TMEM38B: variants seen among roughly 807,000 people sequenced by gnomAD.
TMEM38B encodes trimeric intracellular cation channel type B.
A neutral mutation model predicts 28.7 loss-of-function variants in TMEM38B; 24 were observed. The ratio of observed to expected loss-of-function variants is 0.84; its 90% confidence interval spans 0.61 to 1.18. The LOEUF is 1.18. Ranked by LOEUF, TMEM38B falls within the 50% of genes most tolerant of loss-of-function variation. TMEM38B has a pLI of 0.00. For synonymous variants in TMEM38B, 131 were observed against 127.7 expected, an observed-to-expected ratio of 1.03 and a Z score of -0.17; for missense variants, 380 against 350.9, an observed-to-expected ratio of 1.08 and a Z score of -0.66.
At chr9:105,758,740 A>G in intron 5 of TMEM38B, 1 of 735,236 alleles carries the variant, frequency 1.4e-6, no homozygotes, top group Non-Finnish European at 2.4e-6. Context: ...AGTATTTTTA[A>G]ATGATGAAAC....
At chr9:105,734,988 G>T (rs1203145300) in intron 4 of TMEM38B, among the ~76,000 whole-genome samples, 1 of 148,702 alleles carries the variant, frequency 6.7e-6, no homozygotes, top group South Asian at 2.1e-4. Context: ...TGTTTATTTT[G>T]TAGATCCTTT....
intron 2 of TMEM38B, among the ~76,000 whole-genome samples, chr9:105,720,681 T>C (rs893908120): frequency 4.6e-5 from 7 of 152,134 alleles, no homozygotes; most frequent in African/African-American, 1.7e-4. Context: ...TAATAGCTTC[T>C]TTTAAAAGAG....
At chr9:105,771,276 A>T (rs1426780993) in intron 5 of TMEM38B, among the ~76,000 whole-genome samples, 2 of 152,130 alleles carry the variant, frequency 1.3e-5, no homozygotes, top group African/African-American at 4.8e-5. Context: ...TATTTGTCAC[A>T]AGTACATTTG....
At chr9:105,718,897 T>TTTATCATTTTATCATTTTATATACA (rs1836214084) in intron 2 of TMEM38B, among the ~76,000 whole-genome samples, 1 of 152,222 alleles carries the variant, frequency 6.6e-6, no homozygotes, top group African/African-American at 2.4e-5. Flanking sequence ...ATTTTATAGT[T>TTTATCATTTTATCATTTTATATACA]GTCATTCTGT....
intron 4 of TMEM38B, among the ~76,000 whole-genome samples, chr9:105,723,544 A>G (rs1836401542): frequency 6.6e-6 from 1 of 152,002 alleles, no homozygotes; most frequent in Admixed American, 6.6e-5. Context: ...GGCATCTGCC[A>G]TCATGCCCTG....
In TMEM38B at chr9:105,696,316, C is replaced by T. The variant is rs998147528; in HGVS notation, c.112+1544C>T. 9.9e-5 allele frequency among the ~76,000 whole-genome samples: 15 copies of T among 152,080 alleles called. 2 individuals are homozygous for T. The highest frequency in any genetic ancestry group is 9.2e-4 in the Admixed American group (14 of 15,268). ...ATTATTATTATTTTTGAGACGGAGT[C>T]TCTCTGTCGCCCAGGCTGAAGTGCA... On this transcript the variant is annotated intron_variant, in intron 1 of 5. Transcript: ENST00000374692.
At chr9:105,700,585 T>C (rs1356871279) in intron 1 of TMEM38B, among the ~76,000 whole-genome samples, 1 of 152,222 alleles carries the variant, frequency 6.6e-6, no homozygotes, top group Admixed American at 6.5e-5. Context: ...TTTCAATAAT[T>C]AGCAATTTCT....
At chr9:105,725,324 T>G (rs7861670) in intron 4 of TMEM38B, among the ~76,000 whole-genome samples, 31,397 of 146,572 alleles carry the variant, frequency 0.21, 5,143 homozygotes, top group African/African-American at 0.47. Context: ...TAGGGACAGA[T>G]ATTTTTGTCT....
rs181462214 is a variant in TMEM38B at position 105,707,113 on chromosome 9, T to C, written c.269+1360T>C. Reference sequence around the variant, plus strand: ...ATCTTTAATAGAAGCATTTCCAATATGAAAGGGCATTAAGTATTTGGCCCT... The same window carrying C: ...ATCTTTAATAGAAGCATTTCCAATACGAAAGGGCATTAAGTATTTGGCCCT... On this transcript the variant is annotated intron_variant, in intron 2 of 5. Transcript: ENST00000374692. Among the ~76,000 whole-genome samples the C allele has an allele frequency of 3.6e-3, 545 of 152,278 alleles. 5 individuals carry two copies. The highest frequency in any genetic ancestry group is 7.4e-4 in the Non-Finnish European group (50 of 68,018).
At chr9:105,760,406 T>C in intron 5 of TMEM38B, 6 of 742,310 alleles carry the variant, frequency 8.1e-6, no homozygotes. Context: ...GAAAAACATC[T>C]TGAATACTTA....
intron 2 of TMEM38B, among the ~76,000 whole-genome samples, chr9:105,718,403 A>C (rs1836191780): frequency 1.3e-5 from 2 of 151,924 alleles, no homozygotes; most frequent in African/African-American, 4.8e-5. Flanking sequence ...CATGCTGGCT[A>C]ATTTTTGTGT....
chr9:105,709,016 G>C (rs1835791082), intron 2 of TMEM38B, among the ~76,000 whole-genome samples: 1 of 149,432 alleles, frequency 6.7e-6, no homozygotes, highest in Non-Finnish European at 1.5e-5. Flanking sequence ...TACTGTCAAA[G>C]TTATTTATTC....
At chr9:105,711,944 C>T (rs536080642) in intron 2 of TMEM38B, among the ~76,000 whole-genome samples, 3 of 151,702 alleles carry the variant, frequency 2.0e-5, no homozygotes, top group South Asian at 4.2e-4. Context: ...TTTCTGGAGA[C>T]GGAGTCTTGC....
chr9:105,757,804 G>T (rs902935127), intron 5 of TMEM38B, among the ~76,000 whole-genome samples: 1 of 152,154 alleles, frequency 6.6e-6, no homozygotes, highest in Admixed American at 6.5e-5. Flanking sequence ...AAAAATGATT[G>T]TAATCAATTG....
intron 1 of TMEM38B, among the ~76,000 whole-genome samples, chr9:105,697,688 C>G (rs957576242): frequency 1.3e-5 from 2 of 151,874 alleles, no homozygotes; most frequent in Admixed American, 1.3e-4. Context: ...TCCCATAACT[C>G]TTGCTATCTT....
At chr9:105,773,284 G>A (rs529738672) in intron 5 of TMEM38B, among the ~76,000 whole-genome samples, 2 of 152,192 alleles carry the variant, frequency 1.3e-5, no homozygotes, top group Non-Finnish European at 1.5e-5. Flanking sequence ...AAAAATTGGG[G>A]GACATTCTAC....
At chr9:105,714,500 G>A (rs1349848267) in intron 2 of TMEM38B, among the ~76,000 whole-genome samples, 1 of 152,120 alleles carries the variant, frequency 6.6e-6, no homozygotes, top group Non-Finnish European at 1.5e-5. Context: ...AGTTCATACT[G>A]GAAAGGTAAT....
intron 5 of TMEM38B, among the ~76,000 whole-genome samples, chr9:105,773,084 G>A (rs1480698566): frequency 6.6e-6 from 1 of 152,052 alleles, no homozygotes; most frequent in Non-Finnish European, 1.5e-5. Context: ...ACTGACTCTT[G>A]GGGAAATTCC....
intron 2 of TMEM38B, among the ~76,000 whole-genome samples, chr9:105,720,782 T>C (rs188141759): frequency 2.6e-4 from 39 of 152,218 alleles, no homozygotes; most frequent in Non-Finnish European, 2.6e-4. Context: ...GCCAGAGTAT[T>C]TGGAGAATGG....
Sources: gnomAD v4.1 joint callset for allele counts (sites outside exome capture counted in the v4.1 genomes callset) on GRCh38, gnomAD v4.1.1 for gene constraint, MANE v1.5 for transcripts, NCBI Gene and HGNC (gene_info 2026-07-23, HGNC 2026-07-21) for gene names.